The following USP13 variants were observed in gnomAD, a reference collection of about 807,000 sequenced individuals.
The protein encoded by USP13 is ubiquitin carboxyl-terminal hydrolase 13.
A neutral mutation model predicts 107.8 loss-of-function variants in USP13; 68 were observed. The observed-to-expected ratio is 0.63, with a 90% confidence interval of 0.52 to 0.77. The LOEUF is 0.77. Among genes scored for constraint, USP13 ranks in the 30% least tolerant of loss-of-function variants. The probability of loss-of-function intolerance (pLI) is 0.00; values close to 1 mark genes in which losing one functional copy is unlikely to be tolerated. For missense variants in USP13, 945 were observed against 1,093.3 expected (o/e 0.86, Z 1.91); for synonymous variants, 377 against 389.5 (o/e 0.97, Z 0.38).
At chr3:179,769,442 C>G (rs981508401) in intron 19 of USP13, among the ~76,000 whole-genome samples, 1 of 152,180 alleles carries the variant, frequency 6.6e-6, no homozygotes, top group Non-Finnish European at 1.5e-5. Context: ...GAGTTTTGCT[C>G]TGTTCCCCAG....
chr3:179,779,879 G>A (rs1441895815), intron 19 of USP13, among the ~76,000 whole-genome samples: 1 of 152,152 alleles, frequency 6.6e-6, no homozygotes, highest in Non-Finnish European at 1.5e-5. Context: ...TGGATGAGGG[G>A]CTACAAGTGG....
At chr3:179,719,207 G>A (rs1713217114) in intron 6 of USP13, among the ~76,000 whole-genome samples, 5 of 152,166 alleles carry the variant, frequency 3.3e-5, no homozygotes, top group Admixed American at 3.3e-4. Flanking sequence ...GCTGGGATGT[G>A]GATCCCAGAG....
At chr3:179,707,861 A>G (rs1443844148) in intron 5 of USP13, among the ~76,000 whole-genome samples, 1 of 152,198 alleles carries the variant, frequency 6.6e-6, no homozygotes, top group Non-Finnish European at 1.5e-5. Context: ...TTTGGAAACG[A>G]GAGTTACTTC....
At position 179,784,031 on chromosome 3, in the gene USP13, TTCTG is replaced by T; in HGVS notation, c.2499-13_2499-10del. On this transcript the variant is annotated splice_polypyrimidine_tract_variant and intron_variant, in intron 20 of 20. Coordinates refer to ENST00000263966, the MANE Select transcript of USP13 (RefSeq NM_003940.3). ...GAACTGACTTAAATCCATCAAATGCTTCTGTCTTATTTTCAGATGGGTGATTTAC... is the reference window on the plus strand; with the variant it reads ...GAACTGACTTAAATCCATCAAATGCTTCTTATTTTCAGATGGGTGATTTAC... 6.3e-7 allele frequency: 1 copy of T among 1,599,266 alleles called. No homozygotes were observed.
At chr3:179,700,704 T>A (rs1712486817) in intron 3 of USP13, among the ~76,000 whole-genome samples, 1 of 152,248 alleles carries the variant, frequency 6.6e-6, no homozygotes, top group Admixed American at 6.5e-5. Context: ...AAATTTTCTT[T>A]CTGAGAAATT....
chr3:179,770,820 A>G (rs1703181488), intron 19 of USP13, among the ~76,000 whole-genome samples: 1 of 151,982 alleles, frequency 6.6e-6, no homozygotes. Flanking sequence ...GTTGGCCAGG[A>G]TGGTCTCCAT....
At chr3:179,685,305 AACTTTT>A (rs1477231904) in intron 2 of USP13, among the ~76,000 whole-genome samples, 2 of 152,020 alleles carry the variant, frequency 1.3e-5, no homozygotes, top group African/African-American at 4.8e-5. Context: ...AATGCTGTTC[AACTTTT>A]ACTTTAGTTA....
chr3:179,727,597 T>TC (rs1363284726), intron 8 of USP13, among the ~76,000 whole-genome samples: 1 of 110,368 alleles, frequency 9.1e-6, no homozygotes, highest in Non-Finnish European at 2.0e-5. Context: ...CCATCCGATT[T>TC]CTCAATCTTT....
Position 179,721,091 on chromosome 3 carries a change from G to A in USP13, c.901-311G>A, listed in dbSNP as rs191124307. Among the ~76,000 whole-genome samples, 38 of 152,166 alleles carry A rather than the reference G, an allele frequency of 2.5e-4. No homozygotes were observed. The East Asian group carries it at 7.1e-3, about 29-fold the overall frequency. On this transcript the variant is annotated intron_variant, in intron 7 of 20. Transcript: ENST00000263966. This position sits in a 1 kb window ranked among gnomAD's most constrained non-coding sequence, Gnocchi z 4.3. ...CCCAAAGTGTTGGGATTACAGGTGT[G>A]AACCGCTGCGCCCGGCCTCTCTTTA...
At chr3:179,701,772 T>A (rs1329053528) in intron 4 of USP13, among the ~76,000 whole-genome samples, 1 of 152,192 alleles carries the variant, frequency 6.6e-6, no homozygotes, top group Non-Finnish European at 1.5e-5. Flanking sequence ...TCTCTTTTCT[T>A]CCTTTTCCTT....
At chr3:179,726,235 G>A (rs1416949667) in intron 8 of USP13, among the ~76,000 whole-genome samples, 1 of 152,164 alleles carries the variant, frequency 6.6e-6, no homozygotes, top group Admixed American at 6.5e-5. Context: ...CAGAAGGCAT[G>A]ACCTTGAGAC....
intron 1 of USP13, among the ~76,000 whole-genome samples, chr3:179,657,264 T>C (rs1291401872): frequency 2.0e-5 from 3 of 152,142 alleles, no homozygotes; most frequent in Admixed American, 2.0e-4. Context: ...ACGCCTGTAA[T>C]CCCACCACTT....
rs1576926165 is a variant in USP13, at chr3:179,688,105, C to CCATCCATCCATCCATA, written c.295-2121_295-2120insACATCCATCCATCCAT. On this transcript the variant is annotated intron_variant, in intron 2 of 20. Transcript: ENST00000263966. Reference sequence around the variant, plus strand: ...TCCATCCATCCATCCATCCGTCCATCCATCCATCCATCCATCCATCCATCC... The same window carrying CCATCCATCCATCCATA: ...TCCATCCATCCATCCATCCGTCCATCCATCCATCCATCCATACATCCATCCATCCATCCATCCATCC... Among the ~76,000 whole-genome samples, 32 of 149,732 alleles carry CCATCCATCCATCCATA rather than the reference C, an allele frequency of 2.1e-4. 2 individuals are homozygous for CCATCCATCCATCCATA. In the East Asian group the frequency reaches 6.3e-3, roughly 29 times the overall value.
At position 179,784,664 on chromosome 3, in the gene USP13, C is replaced by G. The variant is rs1353079785; in HGVS notation, c.*523C>G. The G allele has an allele frequency of 1.3e-5, 2 of 153,184 alleles. No homozygotes were observed. The highest frequency in any genetic ancestry group is 1.9e-4 in the East Asian group (1 of 5,210). The allele number at this position is 153,184 out of a possible 1,614,324, so 9.5% of individuals were successfully genotyped here. A position where few individuals can be genotyped will look rare whatever the true frequency, so the allele number is the denominator to read the frequency against. On this transcript the variant is annotated 3_prime_UTR_variant, in exon 21 of 21. Coordinates refer to ENST00000263966, the MANE Select transcript of USP13 (RefSeq NM_003940.3). ...GATGTATCCATGTAGATATTATGCT[C>G]TGTCCATAATAGAGCCTCTGCAATG...
chr3:179,743,353 A>G (rs905653037), intron 12 of USP13, among the ~76,000 whole-genome samples: 1 of 151,788 alleles, frequency 6.6e-6, no homozygotes, highest in Non-Finnish European at 1.5e-5. Context: ...CACGTTCTAC[A>G]CATGTATCCT....
rs148721996 is a variant in USP13 at position 179,730,141 on chromosome 3, GTTC to G, written c.1089-42_1089-40del. On this transcript the variant is annotated intron_variant, in intron 8 of 20. Coordinates refer to ENST00000263966, the MANE Select transcript of USP13 (RefSeq NM_003940.3). ...AATTTTGATGGCTTGTTTTGGTTCT[GTTC>G]TTCTTGCAGTTGCTATGTTTTAACT... The G allele has an allele frequency of 6.1e-3, 9,423 of 1,549,806 alleles. 475 individuals carry two copies. The African/African-American group carries it at 0.11, about 18-fold the overall frequency.
intron 2 of USP13, among the ~76,000 whole-genome samples, chr3:179,686,313 G>A (rs1187707366): frequency 6.6e-6 from 1 of 152,224 alleles, no homozygotes; most frequent in Non-Finnish European, 1.5e-5. Context: ...CTCACTCAGT[G>A]GCTCACACCT....
intron 1 of USP13, among the ~76,000 whole-genome samples, chr3:179,654,649 G>T (rs576753833): frequency 6.6e-6 from 1 of 152,182 alleles, no homozygotes; most frequent in South Asian, 2.1e-4. Context: ...ATTGGGAGGC[G>T]CATGGATTGG....
chr3:179,784,100 G>A lies in USP13; in HGVS notation c.2551G>A (p.Asp851Asn). ...KVCASERPPK[D>N]LGYMYFYRRI... Reference sequence around the variant, plus strand: ...TTGTGCCTCAGAAAGGCCCCCTAAAGACCTGGGCTACATGTACTTTTACCG... The same window carrying A: ...TTGTGCCTCAGAAAGGCCCCCTAAAAACCTGGGCTACATGTACTTTTACCG... Residue 851 changes from aspartate (D) to asparagine (N), a missense_variant, in exon 21 of 21, where the codon GAC becomes AAC. By Grantham distance (23) the Asp-to-Asn change is conservative (BLOSUM62 1). Coordinates refer to ENST00000263966, the MANE Select transcript of USP13 (RefSeq NM_003940.3). 2 of 1,613,120 alleles carry A rather than the reference G, an allele frequency of 1.2e-6. No individual in the cohort carries two copies. Among genetic ancestry groups the A allele is most frequent in the South Asian group, 2.2e-5 (2 of 90,868 alleles).
Sources: allele counts gnomAD v4.1 joint callset (sites outside exome capture counted in the v4.1 genomes callset), GRCh38; gene constraint gnomAD v4.1.1; non-coding constraint Gnocchi (gnomAD v3.1); transcripts MANE v1.5; gene names NCBI Gene and HGNC (gene_info 2026-07-23, HGNC 2026-07-21).